Variants in PILRB observed in about 807,000 individuals in gnomAD.
PILRB encodes the protein paired immunoglobin like type 2 receptor beta, also known as paired immunoglobulin-like type 2 receptor beta.
Under a neutral mutation model 20.5 loss-of-function variants are expected in PILRB, and 21 were observed. The observed-to-expected ratio is 1.02, with a 90% CI of 0.72 to 1.47. PILRB has a LOEUF of 1.47. PILRB is among the 40% of genes most tolerant of loss of function. The pLI, the probability that PILRB is intolerant of heterozygous loss-of-function variation, is 0.00. For synonymous variants in PILRB, 133 were observed against 115.1 expected (o/e 1.16, Z -0.99); for missense variants, 253 against 272.1 (o/e 0.93, Z 0.49).
At chr7:100,365,949 GTTTT>G (rs769960565) in intron 3 of PILRB, among the ~76,000 whole-genome samples, 3 of 127,824 alleles carry the variant, frequency 2.3e-5, no homozygotes, top group African/African-American at 5.7e-5. Flanking sequence ...ATTCTAGGTG[GTTTT>G]TTTTTTTTTT....
intron 3 of PILRB, among the ~76,000 whole-genome samples, chr7:100,363,489 G>A (rs1790589983): frequency 6.6e-6 from 1 of 152,198 alleles, no homozygotes; most frequent in Non-Finnish European, 1.5e-5. Flanking sequence ...TGAAAGACTT[G>A]TACACTGAAA....
At chr7:100,359,661 C>T (rs866745438) in intron 3 of PILRB, 124 bp downstream of exon 3, 26 of 799,154 alleles carry the variant, frequency 3.3e-5, no homozygotes, top group East Asian at 3.2e-4. Context: ...CCACCAAGGC[C>T]GACTCTGGCC....
At chr7:100,360,632 C>T (rs1186911840) in intron 3 of PILRB, among the ~76,000 whole-genome samples, 2 of 152,110 alleles carry the variant, frequency 1.3e-5, no homozygotes, top group East Asian at 1.9e-4. Context: ...CAAAGGGTGA[C>T]CTCAGTTCCC....
In PILRB at chr7:100,359,009, G is replaced by A; in HGVS notation, c.384G>A (p.Glu128=). ...AGTCTGTGTATTTCTGCCGAGTCGA[G>A]CTGGACACCCGGAGATCAGGGAGGC... The part of the protein sequence containing the change: ...EDQSVYFCRV[E]LDTRRSGRQQ... Residue 128 remains glutamate (E), a synonymous_variant, in exon 2 of 4, where the codon GAG becomes GAA. Coordinates refer to ENST00000609309, the MANE Select transcript of PILRB (RefSeq NM_178238.4). The A allele has an allele frequency of 6.2e-7, 1 of 1,614,146 alleles. No individual in the cohort carries two copies. Among genetic ancestry groups the A allele is most frequent in the South Asian group, 1.1e-5 (1 of 91,086 alleles).
intron 3 of PILRB, among the ~76,000 whole-genome samples, chr7:100,359,861 A>C (rs1039934916): frequency 2.0e-4 from 30 of 152,160 alleles, no homozygotes; most frequent in African/African-American, 7.2e-4. Context: ...CATGTCTACT[A>C]AAAATACAAA....
At chr7:100,366,373 TC>T (rs1208455789) in intron 3 of PILRB, among the ~76,000 whole-genome samples, 1 of 149,610 alleles carries the variant, frequency 6.7e-6, no homozygotes, top group Non-Finnish European at 1.5e-5. Flanking sequence ...GAAGGGGAGG[TC>T]CCTGGAGTTG....
At chr7:100,359,897 C>T (rs763664571) in intron 3 of PILRB, among the ~76,000 whole-genome samples, 6 of 152,204 alleles carry the variant, frequency 3.9e-5, no homozygotes, top group Non-Finnish European at 8.8e-5. Context: ...GTGGCACACG[C>T]TTATAGTCCC....
intron 3 of PILRB, among the ~76,000 whole-genome samples, chr7:100,360,954 G>T (rs544587439): frequency 6.6e-6 from 1 of 152,040 alleles, no homozygotes; most frequent in Admixed American, 6.5e-5. Context: ...TTTTGTTTTT[G>T]AGACAGAGTT....
rs569715877 is a variant in PILRB, at chr7:100,358,279, C to T, written c.-24C>T. 21 of 1,611,728 alleles carry T rather than the reference C, an allele frequency of 1.3e-5. No individual in the cohort carries two copies. Among genetic ancestry groups the T allele is most frequent in the African/African-American group, 8.0e-5 (6 of 75,022 alleles). Reference sequence around the variant, plus strand: ...GCCTGGACAGCTCTGCTGGTCTCCCCGTCCCCTGGAGAAGAACAAGGCCAT... The same window carrying T: ...GCCTGGACAGCTCTGCTGGTCTCCCTGTCCCCTGGAGAAGAACAAGGCCAT... On this transcript the variant is annotated 5_prime_UTR_variant, in exon 1 of 4. Transcript: ENST00000609309.
At chr7:100,362,495 A>G (rs1371351924) in intron 3 of PILRB, among the ~76,000 whole-genome samples, 1 of 151,990 alleles carries the variant, frequency 6.6e-6, no homozygotes, top group African/African-American at 2.4e-5. Flanking sequence ...AAAACATTGG[A>G]CAAGATTGAA....
In PILRB at chr7:100,358,743, C is replaced by T. The variant is rs1460117155; in HGVS notation, c.118C>T (p.His40Tyr). Residue 40 changes from histidine to tyrosine, a missense_variant, in exon 2 of 4, where the codon CAC (histidine) becomes TAC (tyrosine). Coordinates refer to ENST00000609309, the MANE Select transcript of PILRB (RefSeq NM_178238.4). ...CCTTTATGGGGTCACTCAACCAAAA[C>T]ACCTCTCAGCCTCCATGGGTGGCTC... ...SYLYGVTQPK[H>Y]LSASMGGSVE... is the part of the protein sequence containing the mutation. 6.2e-7 allele frequency: 1 copy of T among 1,614,032 alleles called. No individual in the cohort carries two copies. The highest frequency in any genetic ancestry group is 8.5e-7 in the Non-Finnish European group (1 of 1,179,950).
intron 3 of PILRB, among the ~76,000 whole-genome samples, chr7:100,364,108 C>CA (rs149933051): frequency 0.079 from 7,307 of 92,994 alleles, 638 homozygotes; most frequent in East Asian, 0.34. Context: ...AACTCCATCT[C>CA]AAAAAAAAAA....
intron 3 of PILRB, among the ~76,000 whole-genome samples, chr7:100,363,032 A>C (rs1301796328): frequency 6.6e-6 from 1 of 151,034 alleles, no homozygotes; most frequent in Non-Finnish European, 1.5e-5. Context: ...AGTGGCTCAC[A>C]CCTGTAATCC....
intron 3 of PILRB, among the ~76,000 whole-genome samples, chr7:100,363,771 A>G (rs556310944): frequency 6.6e-6 from 1 of 152,324 alleles, no homozygotes; most frequent in East Asian, 1.9e-4. Flanking sequence ...TGATTTCAAA[A>G]TGTATTAAAA....
At chr7:100,365,617 G>C (rs1361664409) in intron 3 of PILRB, among the ~76,000 whole-genome samples, 1 of 152,058 alleles carries the variant, frequency 6.6e-6, no homozygotes, top group Non-Finnish European at 1.5e-5. Flanking sequence ...CCTGGAGTTC[G>C]AGCCCAGCCT....
intron 3 of PILRB, among the ~76,000 whole-genome samples, chr7:100,361,124 A>G (rs2130104304): frequency 6.6e-6 from 1 of 151,966 alleles, no homozygotes; most frequent in South Asian, 2.1e-4. Context: ...TTTAGTAGAG[A>G]CGGGGTTTCA....
intron 3 of PILRB, among the ~76,000 whole-genome samples, chr7:100,365,255 C>T (rs1326197771): frequency 6.6e-6 from 1 of 152,194 alleles, no homozygotes; most frequent in Non-Finnish European, 1.5e-5. Flanking sequence ...CCACCTCGGC[C>T]TTCCAAAGTG....
At chr7:100,360,979 A>T (rs1790508417) in intron 3 of PILRB, among the ~76,000 whole-genome samples, 2 of 152,124 alleles carry the variant, frequency 1.3e-5, no homozygotes, top group Non-Finnish European at 2.9e-5. Flanking sequence ...TCTGTCGCCC[A>T]GGCTGGAGTG....
chr7:100,359,727 CAT>C (rs1188169680), intron 3 of PILRB, among the ~76,000 whole-genome samples, 190 bp downstream of exon 3: 10 of 152,152 alleles, frequency 6.6e-5, no homozygotes, highest in African/African-American at 2.4e-4. Flanking sequence ...TGCAGGGTCA[CAT>C]GTGAGAACCC....
Sources: allele counts gnomAD v4.1 joint callset (sites outside exome capture counted in the v4.1 genomes callset), GRCh38; gene constraint gnomAD v4.1.1; transcripts MANE v1.5; gene names NCBI Gene and HGNC (gene_info 2026-07-23, HGNC 2026-07-21).